Variants in PLEKHG6 observed in about 807,000 individuals in gnomAD.
PLEKHG6 encodes the protein pleckstrin homology domain-containing family G member 6.
Under a neutral mutation model 97.5 loss-of-function variants are expected in PLEKHG6, and 91 were observed. That is an observed-to-expected ratio of 0.93 (90% CI 0.79 to 1.11). The LOEUF (loss-of-function observed/expected upper bound fraction) is 1.11. PLEKHG6 is among the 50% of genes most tolerant of loss of function. The pLI, the probability that PLEKHG6 is intolerant of heterozygous loss-of-function variation, is 0.00. For missense variants in PLEKHG6, 1,044 were observed against 1,031.0 expected, an observed-to-expected ratio of 1.01 and a Z score of -0.17; for synonymous variants, 466 against 425.5, an observed-to-expected ratio of 1.10 and a Z score of -1.17.
At chr12:6,313,487 C>A in intron 2 of PLEKHG6, 142 bp from the exon 3 acceptor site, 1 of 996,808 alleles carries the variant, frequency 1.0e-6, no homozygotes, top group Non-Finnish European at 1.5e-6. Flanking sequence ...CCACACCAAA[C>A]TGGTTTGCAG....
At chr12:6,312,724 G>A in intron 2 of PLEKHG6, 1 of 1,164,132 alleles carries the variant, frequency 8.6e-7, no homozygotes, top group Non-Finnish European at 1.1e-6. Context: ...CCTGAGATCT[G>A]CCTCTCCCTG....
rs374739724 is a variant in PLEKHG6 at position 6,313,611 on chromosome 12, C to T, written c.139-18C>T. 1.2e-5 allele frequency: 20 copies of T among 1,613,472 alleles called. No homozygotes were observed. The highest frequency in any genetic ancestry group is 1.7e-5 in the Non-Finnish European group (20 of 1,179,940). On this transcript the variant is annotated intron_variant, in intron 2 of 15. Transcript: ENST00000684764. ...GGAAAGGGAGGCACCCCCAGAACTT[C>T]CCCTGCTCCTCTCCCAGGATCCCAG...
chr12:6,319,305 G>T, intron 13 of PLEKHG6, 197 bp downstream of exon 13: 1 of 610,280 alleles, frequency 1.6e-6, no homozygotes, highest in Non-Finnish European at 2.9e-6. Context: ...AAAATTAGCC[G>T]GGCGTGGTGG....
Position 6,316,298 on chromosome 12 carries a change from G to C in PLEKHG6, c.650G>C (p.Arg217Pro). The C allele has an allele frequency of 6.4e-7, 1 of 1,555,724 alleles. No homozygotes were observed. Residue 217 changes from arginine to proline, a missense_variant, in exon 7 of 16, where the codon CGA becomes CCA. Transcript: ENST00000684764. The surrounding 1 kb of genome is among the most constrained non-coding windows in gnomAD (Gnocchi z 4.1). ...TTTGGAAATGTCCCCAGCCTGATTCGAACCCACCGGAGCTTTTGGGATGAG... is the reference window on the plus strand; with the variant it reads ...TTTGGAAATGTCCCCAGCCTGATTCCAACCCACCGGAGCTTTTGGGATGAG... ...TLFGNVPSLI[R>P]THRSFWDEVL...
At position 6,327,885 on chromosome 12, in the gene PLEKHG6, G is replaced by A; in HGVS notation, c.2302G>A (p.Ala768Thr). 6.7e-7 allele frequency: 1 copy of A among 1,493,160 alleles called. No individual in the cohort carries two copies. The highest frequency in any genetic ancestry group is 1.4e-5 in the South Asian group (1 of 72,466). 92.5% of individuals were successfully genotyped at this position (1,493,160 alleles called of 1,614,324 possible). The change falls in exon 15 of 16, where the codon GCC becomes ACC. Residue 768 changes from alanine to threonine, a missense_variant. Ala to Thr is a moderately conservative substitution (Grantham distance 58, BLOSUM62 0). Coordinates refer to ENST00000684764, the MANE Select transcript of PLEKHG6 (RefSeq NM_001384598.1). Reference sequence around the variant, plus strand: ...CAGCAGGCCACGGAAGCTGACTCGGGCCCAGCTGCAGAGGATGCGGGGGCC... The same window carrying A: ...CAGCAGGCCACGGAAGCTGACTCGGACCCAGCTGCAGAGGATGCGGGGGCC... Reference protein sequence around the residue: ...RDSRPRKLTRAQLQRMRGPHI... With the variant: ...RDSRPRKLTRTQLQRMRGPHI...
chr12:6,313,312 G>A (rs911900928), intron 2 of PLEKHG6: 6 of 949,184 alleles, frequency 6.3e-6, no homozygotes, highest in Non-Finnish European at 9.8e-6. Context: ...GCAGGAGGCA[G>A]TGGGGGCACA....
intron 2 of PLEKHG6, chr12:6,312,630 C>A (rs936433009): frequency 7.9e-7 from 1 of 1,269,548 alleles, no homozygotes; most frequent in East Asian, 3.5e-5. Context: ...AGGTCTCAGA[C>A]AAAGAGCTGC....
chr12:6,325,509 A>G (rs3782720), intron 13 of PLEKHG6, among the ~76,000 whole-genome samples: 3 of 152,246 alleles, frequency 2.0e-5, no homozygotes, highest in East Asian at 3.9e-4. Flanking sequence ...TGAGGGAGGG[A>G]GAAGGCAGAT....
intron 13 of PLEKHG6, among the ~76,000 whole-genome samples, chr12:6,325,985 G>A (rs1947843863): frequency 6.6e-6 from 1 of 152,122 alleles, no homozygotes; most frequent in Non-Finnish European, 1.5e-5. Context: ...AAAAATATCT[G>A]GTTCATGGGG....
intron 13 of PLEKHG6, among the ~76,000 whole-genome samples, chr12:6,320,009 A>C (rs1947649009): frequency 6.6e-6 from 1 of 152,190 alleles, no homozygotes; most frequent in African/African-American, 2.4e-5. Flanking sequence ...GTGGAAGGGA[A>C]GGGCATTCCA....
chr12:6,318,755 A>T lies in PLEKHG6; in HGVS notation c.1286A>T (p.Tyr429Phe), dbSNP rs1224758775. The T allele has an allele frequency of 6.2e-6, 10 of 1,613,446 alleles. No homozygotes were observed. In the South Asian group the frequency reaches 1.1e-4, roughly 18 times the overall value. The change falls in exon 12 of 16, where the codon TAC becomes TTC. Residue 429 changes from tyrosine to phenylalanine, a missense_variant. Transcript: ENST00000684764. ...KEGREGKLDV[Y>F]LFLFSDVLLV... is the part of the protein sequence containing the mutation. ...CGCCCCCACCCCCAGCTGGACGTGTACCTGTTCCTCTTCTCTGATGTGCTC... is the reference window on the plus strand; with the variant it reads ...CGCCCCCACCCCCAGCTGGACGTGTTCCTGTTCCTCTTCTCTGATGTGCTC...
At chr12:6,327,222 C>T (rs747560898) in intron 14 of PLEKHG6, 32 bp from the exon 15 acceptor site, 3 of 1,396,542 alleles carry the variant, frequency 2.1e-6, no homozygotes, top group Non-Finnish European at 3.0e-6. Context: ...AACTTGACCC[C>T]TACGCATCTG....
At chr12:6,313,530 G>C in intron 2 of PLEKHG6, 99 bp from the exon 3 acceptor site, 1 of 1,407,524 alleles carries the variant, frequency 7.1e-7, no homozygotes, top group Non-Finnish European at 9.8e-7. Flanking sequence ...TACCAGGGTG[G>C]GGGAACAACA....
chr12:6,318,266 C>T (rs763231296), intron 10 of PLEKHG6, 35 bp from the exon 11 acceptor site: 16 of 1,612,828 alleles, frequency 9.9e-6, no homozygotes, highest in South Asian at 5.5e-5. Context: ...GGCAGACTGC[C>T]GAGCGCCCTG....
At chr12:6,319,431 G>C in intron 13 of PLEKHG6, 1 of 1,104,386 alleles carries the variant, frequency 9.1e-7, no homozygotes. Flanking sequence ...CTGGGTGACA[G>C]AGTGAGACCC....
chr12:6,318,792 G>A lies in PLEKHG6; in HGVS notation c.1323G>A (p.Lys441=), dbSNP rs756526532. The change falls in exon 12 of 16, where the codon AAG becomes AAA. Residue 441 remains lysine, a synonymous_variant. Coordinates refer to ENST00000684764, the MANE Select transcript of PLEKHG6 (RefSeq NM_001384598.1). ...TCTCTGATGTGCTCCTTGTGACCAAGCCCCAGCGCAAGGCGGACAAAGCCA... is the reference window on the plus strand; with the variant it reads ...TCTCTGATGTGCTCCTTGTGACCAAACCCCAGCGCAAGGCGGACAAAGCCA... ...FLFSDVLLVT[K]PQRKADKAKV... 1.5e-5 allele frequency: 24 copies of A among 1,614,068 alleles called. No individual in the cohort carries two copies. Among genetic ancestry groups the A allele is most frequent in the Non-Finnish European group, 2.0e-5 (24 of 1,180,020 alleles).
chr12:6,321,843 G>A (rs200023014), intron 13 of PLEKHG6, among the ~76,000 whole-genome samples: 437 of 62,404 alleles, frequency 7.0e-3, no homozygotes, highest in Middle Eastern at 0.028. Flanking sequence ...AAAAAAAAAA[G>A]AAGAGGGAAG....
chr12:6,316,219 C>T lies in PLEKHG6; in HGVS notation c.607-36C>T, dbSNP rs1348706313. 1.3e-6 allele frequency: 2 copies of T among 1,521,994 alleles called. No individual in the cohort carries two copies. Among genetic ancestry groups the T allele is most frequent in the African/African-American group, 1.4e-5 (1 of 72,602 alleles). The allele number at this position is 1,521,994 out of a possible 1,614,324, so 94.3% of individuals were successfully genotyped here. Reference sequence around the variant, plus strand: ...GCCAGTGCCACCCCTGGGGACCTTCCAAAAGTGTGCTGCTCAGCTCTGCTC... The same window carrying T: ...GCCAGTGCCACCCCTGGGGACCTTCTAAAAGTGTGCTGCTCAGCTCTGCTC... On this transcript the variant is annotated intron_variant, in intron 6 of 15. Coordinates refer to ENST00000684764, the MANE Select transcript of PLEKHG6 (RefSeq NM_001384598.1). This position sits in a 1 kb window ranked among gnomAD's most constrained non-coding sequence, Gnocchi z 4.1.
intron 13 of PLEKHG6, among the ~76,000 whole-genome samples, chr12:6,321,782 G>A (rs373036916): frequency 1.5e-5 from 2 of 136,958 alleles, no homozygotes; most frequent in Non-Finnish European, 3.0e-5. Context: ...AGCCGAGATC[G>A]CGCCACTGCA....
Sources: gnomAD v4.1 joint callset for allele counts (sites outside exome capture counted in the v4.1 genomes callset) on GRCh38, gnomAD v4.1.1 for gene constraint, Gnocchi (gnomAD v3.1) non-coding constraint, MANE v1.5 for transcripts, NCBI Gene and HGNC (gene_info 2026-07-23, HGNC 2026-07-21) for gene names.